Variants in ZNF445 observed in about 807,000 individuals in gnomAD.
The protein encoded by ZNF445 is zinc finger protein 445, also known as zinc finger protein 168.
Under a neutral mutation model 93.9 loss-of-function variants are expected in ZNF445, and 19 were observed. The observed-to-expected ratio is 0.20, with a 90% CI of 0.14 to 0.30. The LOEUF (loss-of-function observed/expected upper bound fraction) is 0.30. Ranked by LOEUF, ZNF445 falls within the 10% of genes least tolerant of loss-of-function variation. ZNF445 has a pLI of 1.00. For synonymous variants in ZNF445, 449 were observed against 446.3 expected (o/e 1.01, Z -0.08); for missense variants, 1,058 against 1,259.4 (o/e 0.84, Z 2.42).
chr3:44,462,950 T>C (rs1485867833), intron 1 of ZNF445, among the ~76,000 whole-genome samples: 2 of 152,088 alleles, frequency 1.3e-5, no homozygotes, highest in African/African-American at 4.8e-5. Flanking sequence ...TTTTTTCTTC[T>C]TGGAACTTGT....
rs1697857339 is a variant in ZNF445 at position 44,444,738 on chromosome 3, G to C, written c.*1837C>G. On this transcript the variant is annotated 3_prime_UTR_variant, in exon 8 of 8. Coordinates refer to ENST00000396077, the MANE Select transcript of ZNF445 (RefSeq NM_181489.6). ...CCTGTGACACCACCACACAATATCAGAGCCTTCATTTTCACCTGCTCATGG... is the reference window on the plus strand; with the variant it reads ...CCTGTGACACCACCACACAATATCACAGCCTTCATTTTCACCTGCTCATGG... 1 of 151,808 alleles carries C rather than the reference G, an allele frequency of 6.6e-6. No homozygotes were observed. 9.4% of individuals were successfully genotyped at this position (151,808 alleles called of 1,614,324 possible).
intron 1 of ZNF445, among the ~76,000 whole-genome samples, chr3:44,464,146 A>G (rs1698159956): frequency 6.6e-6 from 1 of 152,002 alleles, no homozygotes; most frequent in Non-Finnish European, 1.5e-5. Flanking sequence ...CAAACAAACA[A>G]AAAAAACAGC....
chr3:44,448,119 A>G lies in ZNF445; in HGVS notation c.1552T>C (p.Cys518Arg). 2 of 1,614,052 alleles carry G rather than the reference A, an allele frequency of 1.2e-6. No individual in the cohort carries two copies. Among genetic ancestry groups the G allele is most frequent in the Non-Finnish European group, 1.7e-6 (2 of 1,180,024 alleles). Reference protein sequence around the residue: ...TQEKAFKCRVCGKAFRWSSNC... With the variant: ...TQEKAFKCRVRGKAFRWSSNC... ...GAACTCCACCGGAAGGCTTTCCCAC[A>G]CACCCTACATTTAAATGCTTTCTCT... The change falls in exon 8 of 8, where the codon TGT becomes CGT. Residue 518 changes from cysteine to arginine, a missense_variant. Around this residue, in one of 3 missense-constraint regions of ZNF445, gnomAD observed 657 missense variants for 746.4 expected, o/e 0.88. Transcript: ENST00000396077.
At chr3:44,451,963 A>T (rs1265872195) in intron 3 of ZNF445, among the ~76,000 whole-genome samples, 1 of 152,246 alleles carries the variant, frequency 6.6e-6, no homozygotes, top group East Asian at 1.9e-4. Context: ...TCAAAGAGGC[A>T]GGCTAGCTCC....
intron 4 of ZNF445, 26 bp from the exon 5 acceptor site, chr3:44,450,988 G>A: frequency 6.5e-7 from 1 of 1,539,012 alleles, no homozygotes; most frequent in Non-Finnish European, 8.8e-7. Flanking sequence ...CCATGAGAGA[G>A]CGGCTCAGCT....
intron 1 of ZNF445, among the ~76,000 whole-genome samples, chr3:44,473,897 G>T (rs1698307701): frequency 6.6e-6 from 1 of 152,106 alleles, no homozygotes; most frequent in African/African-American, 2.4e-5. Context: ...AAATAACAGG[G>T]GAGAAGGGAT....
At chr3:44,450,289 T>A (rs1423899049) in intron 6 of ZNF445, 158 bp downstream of exon 6, 7 of 856,712 alleles carry the variant, frequency 8.2e-6, no homozygotes, top group Middle Eastern at 3.6e-4. Context: ...TCTCCCCATT[T>A]TTCAAAAGAG....
At chr3:44,463,021 G>A (rs1462174990) in intron 1 of ZNF445, among the ~76,000 whole-genome samples, 1 of 39,990 alleles carries the variant, frequency 2.5e-5, no homozygotes, top group African/African-American at 9.3e-5. Flanking sequence ...TTGTGTGTGT[G>A]TGTGTGTGTG....
In ZNF445 at chr3:44,447,199, T is replaced by C; in HGVS notation, c.2472A>G (p.Glu824=). 1 of 1,614,220 alleles carries C rather than the reference T, an allele frequency of 6.2e-7. No homozygotes were observed. The change falls in exon 8 of 8, where the codon GAA becomes GAG. Residue 824 remains glutamate, a synonymous_variant. Transcript: ENST00000396077. This position sits in a 1 kb window ranked among gnomAD's most constrained non-coding sequence, Gnocchi z 4.7. ...TTTTTGGCTCCACATTTGGAGTCTT[T>C]TCACTTTCATGGCAATCATACTGTT... ...LQKQYDCHES[E]KTPNVEPKIL...
chr3:44,451,480 G>A lies in ZNF445; in HGVS notation c.432C>T (p.Asp144=). The A allele has an allele frequency of 6.3e-7, 1 of 1,598,094 alleles. No homozygotes were observed. Among genetic ancestry groups the A allele is most frequent in the Non-Finnish European group, 8.6e-7 (1 of 1,168,546 alleles). ...CATCTGGGCTCTGGGCAGGGCCCGG[G>A]TCCTGGCAAGAAGAAAATGTTGTGA... ...QRDLDGTSWR[D]PGPAQSPDVH... is the part of the protein sequence containing the mutation. The change falls in exon 4 of 8, where the codon GAC becomes GAT. Residue 144 remains aspartate (D), a splice_region_variant and synonymous_variant. Coordinates refer to ENST00000396077, the MANE Select transcript of ZNF445 (RefSeq NM_181489.6).
intron 1 of ZNF445, among the ~76,000 whole-genome samples, chr3:44,464,727 C>T (rs1026014522): frequency 6.6e-6 from 1 of 152,106 alleles, no homozygotes; most frequent in East Asian, 1.9e-4. Flanking sequence ...GAGCCATGCC[C>T]GTTGGCTATG....
chr3:44,466,001 C>T (rs1267866502), intron 1 of ZNF445, among the ~76,000 whole-genome samples: 1 of 152,118 alleles, frequency 6.6e-6, no homozygotes, highest in East Asian at 1.9e-4. Flanking sequence ...ATTTGGTTTT[C>T]TCTTTTGAAG....
intron 1 of ZNF445, among the ~76,000 whole-genome samples, chr3:44,474,992 G>A (rs1698325672): frequency 6.6e-6 from 1 of 152,026 alleles, no homozygotes; most frequent in Admixed American, 6.6e-5. Flanking sequence ...CAGCTACTCA[G>A]GAGGCTAAGG....
intron 2 of ZNF445, among the ~76,000 whole-genome samples, chr3:44,458,035 T>C (rs919019184): frequency 8.2e-6 from 1 of 122,516 alleles, no homozygotes; most frequent in Non-Finnish European, 1.7e-5. Flanking sequence ...AAAAAAAGGA[T>C]CAGACTTAAA....
At chr3:44,454,379 T>C (rs979402817) in intron 3 of ZNF445, among the ~76,000 whole-genome samples, 1 of 152,092 alleles carries the variant, frequency 6.6e-6, no homozygotes, top group Non-Finnish European at 1.5e-5. Flanking sequence ...TCAAATTAGA[T>C]AATATGTGGA....
At position 44,446,413 on chromosome 3, in the gene ZNF445, G is replaced by A. The variant is rs1191630643; in HGVS notation, c.*162C>T. ...CCCAGCGTCACATCCTAGCAGGCAG[G>A]CTGGGGACTCCCCGAGCTTTCAAAT... On this transcript the variant is annotated 3_prime_UTR_variant, in exon 8 of 8. Coordinates refer to ENST00000396077, the MANE Select transcript of ZNF445 (RefSeq NM_181489.6). The surrounding 1 kb of genome is among the most constrained non-coding windows in gnomAD (Gnocchi z 4.2). 3 of 1,005,462 alleles carry A rather than the reference G, an allele frequency of 3.0e-6. No individual in the cohort carries two copies. Among genetic ancestry groups the A allele is most frequent in the Non-Finnish European group, 2.9e-6 (2 of 698,836 alleles). 62.3% of individuals were successfully genotyped at this position (1,005,462 alleles called of 1,614,324 possible). A position where few individuals can be genotyped will look rare whatever the true frequency, so the allele number is the denominator to read the frequency against.
intron 1 of ZNF445, among the ~76,000 whole-genome samples, chr3:44,464,459 A>G (rs1448449823): frequency 1.3e-5 from 2 of 152,252 alleles, no homozygotes; most frequent in Non-Finnish European, 2.9e-5. Context: ...TAGGAAAGTA[A>G]ACGTTTAAAT....
chr3:44,472,278 A>C (rs560313166), intron 1 of ZNF445, among the ~76,000 whole-genome samples: 1 of 152,236 alleles, frequency 6.6e-6, no homozygotes, highest in African/African-American at 2.4e-5. Flanking sequence ...AGCTCCAAAA[A>C]TAAGTCTCCA....
chr3:44,455,704 G>A lies in ZNF445; in HGVS notation c.-147-8C>T. 3.0e-6 allele frequency: 2 copies of A among 673,952 alleles called. No homozygotes were observed. The highest frequency in any genetic ancestry group is 2.4e-6 in the Non-Finnish European group (1 of 410,686). 41.7% of individuals were successfully genotyped at this position (673,952 alleles called of 1,614,324 possible). On this transcript the variant is annotated splice_polypyrimidine_tract_variant and splice_region_variant and intron_variant, in intron 2 of 7. Coordinates refer to ENST00000396077, the MANE Select transcript of ZNF445 (RefSeq NM_181489.6). ...CTGAAATTACCAGCATTTCTGTGCA[G>A]GAGGGGATGAGAGAATAATGTCCAT... is the stretch of plus-strand genomic sequence containing the variant.
Sources: allele counts gnomAD v4.1 joint callset (sites outside exome capture counted in the v4.1 genomes callset), GRCh38; gene constraint gnomAD v4.1.1; regional missense constraint gnomAD v4.1.1; non-coding constraint Gnocchi (gnomAD v3.1); transcripts MANE v1.5; gene names NCBI Gene and HGNC (gene_info 2026-07-23, HGNC 2026-07-21).